Variants in CFAP299 observed in about 807,000 individuals in gnomAD.
CFAP299 encodes cilia- and flagella-associated protein 299.
In CFAP299, 21 loss-of-function variants were observed where a neutral mutation model predicts 27.0. That is an observed-to-expected ratio of 0.78 (90% CI 0.55 to 1.12). The LOEUF is 1.12. CFAP299 is among the 50% of genes most tolerant of loss of function. The pLI is 0.00. For missense variants in CFAP299, 310 were observed against 276.6 expected, an observed-to-expected ratio of 1.12 and a Z score of -0.86; for synonymous variants, 104 against 98.1, an observed-to-expected ratio of 1.06 and a Z score of -0.36.
intron 4 of CFAP299, among the ~76,000 whole-genome samples, chr4:80,881,392 A>T (rs1180078466): frequency 6.6e-6 from 1 of 152,258 alleles, no homozygotes; most frequent in Non-Finnish European, 1.5e-5. Flanking sequence ...AATAACCAGC[A>T]GAGCTCAATC....
At chr4:80,483,128 G>A (rs1730647884) in intron 2 of CFAP299, among the ~76,000 whole-genome samples, 2 of 152,192 alleles carry the variant, frequency 1.3e-5, no homozygotes, top group South Asian at 4.1e-4. Flanking sequence ...AGGTGGAGGA[G>A]GGGGGCAGAA....
intron 4 of CFAP299, among the ~76,000 whole-genome samples, chr4:80,936,277 T>C (rs1736883011): frequency 6.6e-6 from 1 of 152,072 alleles, no homozygotes. Flanking sequence ...GACCCAGGAA[T>C]CACATGACTG....
chr4:80,604,269 C>T (rs1037447074), intron 3 of CFAP299, among the ~76,000 whole-genome samples: 2 of 151,872 alleles, frequency 1.3e-5, no homozygotes, highest in African/African-American at 4.8e-5. Context: ...GGACTCAGGG[C>T]ATATATAGAA....
intron 3 of CFAP299, among the ~76,000 whole-genome samples, chr4:80,783,998 T>C (rs186818979): frequency 1.5e-3 from 232 of 152,268 alleles, no homozygotes; most frequent in Non-Finnish European, 2.9e-3. Flanking sequence ...GCAATATTTT[T>C]GTCTGTGTCT....
intron 2 of CFAP299, among the ~76,000 whole-genome samples, chr4:80,399,937 T>G (rs1273227954): frequency 6.6e-6 from 1 of 152,206 alleles, no homozygotes; most frequent in African/African-American, 2.4e-5. Context: ...GTTTTTTGCT[T>G]TAAGAGGTTA....
chr4:80,767,681 G>A lies in CFAP299; in HGVS notation c.334-102312G>A, dbSNP rs576053156. Among the ~76,000 whole-genome samples the A allele has an allele frequency of 2.2e-4, 33 of 152,270 alleles. 1 individual carries two copies. In the South Asian group the frequency reaches 6.6e-3, roughly 31 times the overall value. On this transcript the variant is annotated intron_variant, in intron 3 of 5. Transcript: ENST00000358105. ...GATTTTCAGACCTCAGTTGACCATG[G>A]GTAACAGAAATTGCTGAAAGGAAAT...
At chr4:80,885,085 A>T (rs72865176) in intron 4 of CFAP299, among the ~76,000 whole-genome samples, 5,553 of 152,094 alleles carry the variant, frequency 0.037, 245 homozygotes, top group African/African-American at 0.11. Context: ...TTTACATTGA[A>T]CTCAGTGCTG....
intron 3 of CFAP299, among the ~76,000 whole-genome samples, chr4:80,707,951 A>G (rs1021733035): frequency 6.6e-6 from 1 of 152,108 alleles, no homozygotes; most frequent in African/African-American, 2.4e-5. Context: ...GAATCTGATG[A>G]CGGAGTTTCT....
intron 3 of CFAP299, among the ~76,000 whole-genome samples, chr4:80,827,466 T>A (rs1730048835): frequency 6.6e-6 from 1 of 151,822 alleles, no homozygotes. Context: ...AAAAAAATCA[T>A]ATGGCCATCT....
chr4:80,439,981 G>A (rs1399835297), intron 2 of CFAP299, among the ~76,000 whole-genome samples: 1 of 152,192 alleles, frequency 6.6e-6, no homozygotes, highest in Non-Finnish European at 1.5e-5. Flanking sequence ...CAAAGCCGCT[G>A]TAGTTAAGCT....
At chr4:80,672,657 A>G (rs1202801377) in intron 3 of CFAP299, among the ~76,000 whole-genome samples, 2 of 152,158 alleles carry the variant, frequency 1.3e-5, no homozygotes, top group Non-Finnish European at 2.9e-5. Flanking sequence ...TTGGTTGGCT[A>G]TTAATTATTG....
intron 2 of CFAP299, among the ~76,000 whole-genome samples, chr4:80,572,968 TC>T (rs1735668711): frequency 6.6e-6 from 1 of 152,218 alleles, no homozygotes; most frequent in African/African-American, 2.4e-5. Flanking sequence ...CTGATATACT[TC>T]GTTTTGGGTA....
intron 1 of CFAP299, among the ~76,000 whole-genome samples, chr4:80,351,782 G>T (rs1723023659): frequency 6.7e-6 from 1 of 150,118 alleles, no homozygotes; most frequent in African/African-American, 2.4e-5. Flanking sequence ...AAAACATTAA[G>T]ATTAATATTA....
intron 3 of CFAP299, among the ~76,000 whole-genome samples, chr4:80,627,173 G>A (rs1738951784): frequency 6.6e-6 from 1 of 151,914 alleles, no homozygotes; most frequent in African/African-American, 2.4e-5. Flanking sequence ...TCATTCCAGT[G>A]ATGCAAGGAT....
intron 3 of CFAP299, among the ~76,000 whole-genome samples, chr4:80,629,853 C>T (rs1438542410): frequency 6.8e-6 from 1 of 146,994 alleles, no homozygotes; most frequent in Non-Finnish European, 1.5e-5. Flanking sequence ...GTGCTTTAGC[C>T]TGGAGACTCT....
intron 2 of CFAP299, among the ~76,000 whole-genome samples, chr4:80,474,229 G>T (rs1002156587): frequency 4.6e-5 from 7 of 151,926 alleles, no homozygotes; most frequent in Non-Finnish European, 1.0e-4. Flanking sequence ...CTTTTTAAAG[G>T]ACTAAGAAGT....
intron 3 of CFAP299, among the ~76,000 whole-genome samples, chr4:80,601,442 A>C (rs909112687): frequency 2.0e-5 from 3 of 152,222 alleles, no homozygotes; most frequent in Non-Finnish European, 4.4e-5. Context: ...GGCATTATTT[A>C]CTATGACTTC....
chr4:80,875,759 C>T (rs1455178913), intron 4 of CFAP299, among the ~76,000 whole-genome samples: 3 of 151,508 alleles, frequency 2.0e-5, no homozygotes, highest in Admixed American at 1.3e-4. Flanking sequence ...ACTAGATTAA[C>T]ACAGACTTCA....
At chr4:80,908,252 T>G (rs986903396) in intron 4 of CFAP299, among the ~76,000 whole-genome samples, 6 of 152,196 alleles carry the variant, frequency 3.9e-5, no homozygotes, top group African/African-American at 9.7e-5. Flanking sequence ...AATAACAACT[T>G]GACTTCAGGT....
Sources: gnomAD v4.1 joint callset for allele counts (sites outside exome capture counted in the v4.1 genomes callset) on GRCh38, gnomAD v4.1.1 for gene constraint, MANE v1.5 for transcripts, NCBI Gene and HGNC (gene_info 2026-07-23, HGNC 2026-07-21) for gene names.